The following SOX5 variants were observed in gnomAD, a reference collection of about 807,000 sequenced individuals.
SOX5 encodes the protein SRY-box transcription factor 5.
SOX5 carries 9 observed loss-of-function variants against 92.0 expected under a neutral mutation model. The ratio of observed to expected loss-of-function variants is 0.10; its 90% CI spans 0.06 to 0.17. The LOEUF (loss-of-function observed/expected upper bound fraction) is 0.17, where lower values mean the gene tolerates loss of function less well. Ranked by LOEUF, SOX5 falls within the 10% of genes least tolerant of loss-of-function variation. SOX5 has a pLI of 1.00. For synonymous variants in SOX5, 344 were observed against 336.3 expected (o/e 1.02, Z -0.25); for missense variants, 642 against 944.5 (o/e 0.68, Z 4.20).
At chr12:24,329,098 T>C (rs1389813850) in intron 2 of SOX5, among the ~76,000 whole-genome samples, 1 of 152,212 alleles carries the variant, frequency 6.6e-6, no homozygotes, top group African/African-American at 2.4e-5. Context: ...TATACTAAAA[T>C]GCTACCAAGG....
At chr12:24,367,008 T>C (rs1956240873) in intron 2 of SOX5, among the ~76,000 whole-genome samples, 1 of 152,130 alleles carries the variant, frequency 6.6e-6, no homozygotes, top group African/African-American at 2.4e-5. Context: ...AAGTTTCATT[T>C]AATGGTGAAA....
At chr12:24,174,895 A>G (rs1565589853) in intron 4 of SOX5, among the ~76,000 whole-genome samples, 1 of 152,184 alleles carries the variant, frequency 6.6e-6, no homozygotes, top group Non-Finnish European at 1.5e-5. Flanking sequence ...ACAAGATTAC[A>G]GAGCCACAAA....
chr12:23,577,176 C>CACATAT (rs1273547543), intron 9 of SOX5, among the ~76,000 whole-genome samples: 65 of 76,952 alleles, frequency 8.4e-4, no homozygotes, highest in African/African-American at 2.2e-3. Context: ...CACACACACA[C>CACATAT]ATATATATAT....
At chr12:23,950,465 C>T (rs887909561), upstream of SOX5, among the ~76,000 whole-genome samples, 1 of 152,186 alleles carries the variant, frequency 6.6e-6, no homozygotes, top group Non-Finnish European at 1.5e-5. Context: ...ACCAAAGTTT[C>T]CTCAGCTCTA....
chr12:24,042,123 T>C (rs1364923359), intron 4 of SOX5, among the ~76,000 whole-genome samples: 1 of 152,068 alleles, frequency 6.6e-6, no homozygotes, highest in Non-Finnish European at 1.5e-5. Context: ...TTTCTTCAAG[T>C]ATTGTGAAGA....
intron 4 of SOX5, among the ~76,000 whole-genome samples, chr12:23,963,712 G>A (rs2140047252): frequency 7.0e-6 from 1 of 142,722 alleles, no homozygotes; most frequent in Non-Finnish European, 1.5e-5. Flanking sequence ...GATAGTTTTT[G>A]GATTAGGGGT....
chr12:24,039,049 T>C (rs761446482), intron 4 of SOX5, among the ~76,000 whole-genome samples: 9 of 152,156 alleles, frequency 5.9e-5, no homozygotes, highest in Non-Finnish European at 8.8e-5. Flanking sequence ...CAATAATAAT[T>C]TTATTAAGAA....
chr12:23,863,762 T>C (rs2096780569), intron 2 of SOX5, among the ~76,000 whole-genome samples: 1 of 151,372 alleles, frequency 6.6e-6, no homozygotes, highest in Admixed American at 6.6e-5. Flanking sequence ...TGAGCTATTT[T>C]GTCAACTCCT....
At chr12:23,863,793 T>TACACACAC (rs71059936) in intron 2 of SOX5, among the ~76,000 whole-genome samples, 93 of 145,794 alleles carry the variant, frequency 6.4e-4, no homozygotes, top group African/African-American at 9.7e-4. Context: ...TTAAACACAC[T>TACACACAC]ACACACACAC....
intron 6 of SOX5, among the ~76,000 whole-genome samples, chr12:23,672,227 CTGT>C (rs2084905238): frequency 6.6e-6 from 1 of 152,168 alleles, no homozygotes; most frequent in African/African-American, 2.4e-5. Flanking sequence ...TCCAATCCCC[CTGT>C]ATTCCTACCC....
chr12:24,484,077 T>G (rs928523534), intron 1 of SOX5, among the ~76,000 whole-genome samples: 3 of 152,204 alleles, frequency 2.0e-5, no homozygotes, highest in Non-Finnish European at 4.4e-5. Context: ...TTTGCCTGTA[T>G]GGAGAGTCCC....
At chr12:23,933,840 C>T (rs910615557) in intron 1 of SOX5, among the ~76,000 whole-genome samples, 4 of 151,642 alleles carry the variant, frequency 2.6e-5, no homozygotes, top group African/African-American at 9.6e-5. Flanking sequence ...CCCTCAATCT[C>T]GGCAAGAATA....
intron 1 of SOX5, among the ~76,000 whole-genome samples, chr12:24,490,264 T>C (rs1447170221): frequency 6.6e-6 from 1 of 152,226 alleles, no homozygotes; most frequent in Non-Finnish European, 1.5e-5. Context: ...AGATTTTAGT[T>C]TGAACTTGTA....
chr12:23,615,689 T>C (rs2076474109), intron 8 of SOX5, among the ~76,000 whole-genome samples: 2 of 152,362 alleles, frequency 1.3e-5, no homozygotes, highest in African/African-American at 2.4e-5. Context: ...CTCATTCTTT[T>C]TTTATGGCTG....
chr12:24,301,478 A>G (rs1422321022), intron 2 of SOX5, among the ~76,000 whole-genome samples: 1 of 152,210 alleles, frequency 6.6e-6, no homozygotes, highest in African/African-American at 2.4e-5. Context: ...ATAACCATGA[A>G]TTATGCATTT....
chr12:23,953,174 T>C (rs1034351787), upstream of SOX5, among the ~76,000 whole-genome samples: 2 of 152,126 alleles, frequency 1.3e-5, no homozygotes, highest in Admixed American at 1.3e-4. Context: ...CTTTAGAATA[T>C]CAGCAAAAGG....
At chr12:24,326,652 C>T (rs1404990674) in intron 2 of SOX5, among the ~76,000 whole-genome samples, 6 of 152,134 alleles carry the variant, frequency 3.9e-5, no homozygotes, top group East Asian at 3.8e-4. Flanking sequence ...ATCTCAGATA[C>T]GGGTATGACT....
At chr12:23,880,642 T>C (rs1255418287) in intron 2 of SOX5, among the ~76,000 whole-genome samples, 1 of 152,132 alleles carries the variant, frequency 6.6e-6, no homozygotes, top group Non-Finnish European at 1.5e-5. Context: ...CTGGTAAACT[T>C]TGGGGAAAAG....
chr12:24,530,567 C>A (rs144514015), intron 1 of SOX5, among the ~76,000 whole-genome samples: 1 of 151,820 alleles, frequency 6.6e-6, no homozygotes, highest in African/African-American at 2.4e-5. Flanking sequence ...GCAGGAGAAT[C>A]GCTTGAACCC....
Sources: allele counts gnomAD v4.1 joint callset (sites outside exome capture counted in the v4.1 genomes callset), GRCh38; gene constraint gnomAD v4.1.1; transcripts MANE v1.5; gene names NCBI Gene and HGNC (gene_info 2026-07-23, HGNC 2026-07-21).